The following SCYL3 variants were observed in gnomAD, a reference collection of about 807,000 sequenced individuals.
SCYL3 encodes protein-associating with the carboxyl-terminal domain of ezrin.
Under a neutral mutation model 73.8 loss-of-function variants are expected in SCYL3, and 35 were observed. The observed-to-expected ratio is 0.47, with a 90% confidence interval of 0.36 to 0.63. The LOEUF is 0.63. Among genes scored for constraint, SCYL3 ranks in the 20% least tolerant of loss-of-function variants. The pLI is 0.00. For missense variants in SCYL3, 712 were observed against 798.9 expected, an observed-to-expected ratio of 0.89 and a Z score of 1.31; for synonymous variants, 277 against 295.2, an observed-to-expected ratio of 0.94 and a Z score of 0.63.
intron 2 of SCYL3, among the ~76,000 whole-genome samples, chr1:169,883,569 C>T (rs1377331970): frequency 2.0e-5 from 3 of 152,142 alleles, no homozygotes; most frequent in Non-Finnish European, 4.4e-5. Context: ...GAATACTGAA[C>T]ACCTTCTTGG....
intron 5 of SCYL3, among the ~76,000 whole-genome samples, chr1:169,872,291 G>A (rs1418597728): frequency 1.3e-5 from 2 of 152,244 alleles, no homozygotes; most frequent in Admixed American, 6.5e-5. Flanking sequence ...GCTTCAGAGG[G>A]TGCAAGCCCC....
In SCYL3 at chr1:169,851,886, G is replaced by C. The variant is rs763988076; in HGVS notation, c.*1827C>G. The C allele has an allele frequency of 8.7e-6, 14 of 1,614,024 alleles. No homozygotes were observed. The South Asian group carries it at 1.5e-4, about 18-fold the overall frequency. The stretch of plus-strand genomic sequence containing the variant: ...GAAACAGGAAAAAGGTATTTTCTGG[G>C]AACCCTTTGCTAATGTGACTGTAGA... On this transcript the variant is annotated 3_prime_UTR_variant, in exon 13 of 13. Transcript: ENST00000367771.
Position 169,849,831 on chromosome 1 carries a change from A to G in SCYL3, c.*3882T>C. On this transcript the variant is annotated 3_prime_UTR_variant, in exon 13 of 13. Coordinates refer to ENST00000367771, the MANE Select transcript of SCYL3 (RefSeq NM_020423.7). ...AATAAACAAGGACCAGAACAGGCAT[A>G]CACAGCAGGCCTACTGATACAGACA... 1 of 539,782 alleles carries G rather than the reference A, an allele frequency of 1.9e-6. No homozygotes were observed. Among genetic ancestry groups the G allele is most frequent in the Non-Finnish European group, 3.3e-6 (1 of 301,288 alleles). The allele number at this position is 539,782 out of a possible 1,614,324, so 33.4% of individuals were successfully genotyped here.
At chr1:169,877,427 G>C (rs1660927549) in intron 3 of SCYL3, among the ~76,000 whole-genome samples, 1 of 152,134 alleles carries the variant, frequency 6.6e-6, no homozygotes, top group Non-Finnish European at 1.5e-5. Flanking sequence ...CAAAGTGCTG[G>C]GATTACAGGT....
chr1:169,875,035 A>G (rs1213876673), intron 4 of SCYL3, among the ~76,000 whole-genome samples: 1 of 152,240 alleles, frequency 6.6e-6, no homozygotes, highest in Non-Finnish European at 1.5e-5. Context: ...TAAACAGCAC[A>G]GAAAGGATTA....
rs201238492 is a variant in SCYL3, at chr1:169,853,710, T to C, written c.*3A>G. 1.1e-3 allele frequency: 1,701 copies of C among 1,613,498 alleles called. 3 individuals carry two copies. The highest frequency in any genetic ancestry group is 1.3e-3 in the Non-Finnish European group (1,513 of 1,179,758). ...TTTCCTAAAGTTTAACTCACATCTA[T>C]TGTCACCAGTTATTATCTTCCCAGT... On this transcript the variant is annotated 3_prime_UTR_variant, in exon 13 of 13. Transcript: ENST00000367771.
intron 8 of SCYL3, 125 bp from the exon 9 acceptor site, chr1:169,864,633 GAGA>G: frequency 9.7e-7 from 1 of 1,026,894 alleles, no homozygotes; most frequent in Non-Finnish European, 1.4e-6. Flanking sequence ...AATGGAGATA[GAGA>G]AGGTGAACAG....
chr1:169,863,899 C>T (rs945047849), intron 9 of SCYL3, among the ~76,000 whole-genome samples: 1 of 152,038 alleles, frequency 6.6e-6, no homozygotes, highest in African/African-American at 2.4e-5. Context: ...TTGTTACCAT[C>T]TCTAGTGCTA....
intron 11 of SCYL3, among the ~76,000 whole-genome samples, chr1:169,858,478 T>TA (rs1558118769): frequency 2.0e-5 from 3 of 152,334 alleles, no homozygotes; most frequent in African/African-American, 7.2e-5. Context: ...GTTTCACAGT[T>TA]AAAGTTTTTT....
At chr1:169,878,862 A>G (rs780088821) in intron 2 of SCYL3, 43 bp from the exon 3 acceptor site, 1 of 1,531,010 alleles carries the variant, frequency 6.5e-7, no homozygotes, top group Non-Finnish European at 8.9e-7. Flanking sequence ...ATGACCCCAA[A>G]CCAGATTATA....
rs370575837 is a variant in SCYL3, at chr1:169,852,906, T to C, written c.*807A>G. ...AGTCACTACTCCAAAAGGGTCCTGC[T>C]CCAGCCTGGCTTTCAATGGAAATGG... On this transcript the variant is annotated 3_prime_UTR_variant, in exon 13 of 13. Coordinates refer to ENST00000367771, the MANE Select transcript of SCYL3 (RefSeq NM_020423.7). 1.9e-6 allele frequency: 3 copies of C among 1,614,118 alleles called. No homozygotes were observed. The highest frequency in any genetic ancestry group is 1.1e-5 in the South Asian group (1 of 91,084).
intron 1 of SCYL3, among the ~76,000 whole-genome samples, chr1:169,891,009 T>G (rs1446722743): frequency 1.3e-5 from 2 of 152,206 alleles, no homozygotes; most frequent in Non-Finnish European, 2.9e-5. Flanking sequence ...ACAGTTAATG[T>G]TGGCAGGTAC....
At chr1:169,881,003 C>T (rs1254723070) in intron 2 of SCYL3, among the ~76,000 whole-genome samples, 2 of 152,172 alleles carry the variant, frequency 1.3e-5, no homozygotes, top group Non-Finnish European at 2.9e-5. Flanking sequence ...CTCGGGCAAT[C>T]CGCCCACCTC....
chr1:169,858,818 G>A (rs1228195408), intron 11 of SCYL3, among the ~76,000 whole-genome samples: 1 of 151,524 alleles, frequency 6.6e-6, no homozygotes, highest in African/African-American at 2.4e-5. Flanking sequence ...GACTCTCTAT[G>A]CACGTGTAAA....
chr1:169,864,603 T>G, intron 8 of SCYL3, 95 bp from the exon 9 acceptor site: 5 of 1,217,342 alleles, frequency 4.1e-6, no homozygotes, highest in Non-Finnish European at 5.7e-6. Flanking sequence ...CTCTCACTTC[T>G]ATCAAAGTGA....
At chr1:169,883,867 C>T (rs1017897563) in intron 2 of SCYL3, among the ~76,000 whole-genome samples, 10 of 151,772 alleles carry the variant, frequency 6.6e-5, no homozygotes, top group African/African-American at 1.9e-4. Context: ...TACAGGCGCC[C>T]GCTACCACAC....
At position 169,873,650 on chromosome 1, in the gene SCYL3, A is replaced by C; in HGVS notation, c.522+46T>G. ...GAAAGTTTTTTAAAATTTCATACTC[A>C]ATTACACAAAGGCACCTTCATTATA... On this transcript the variant is annotated intron_variant, in intron 5 of 12. Transcript: ENST00000367771. 2.2e-6 allele frequency: 3 copies of C among 1,339,390 alleles called. No homozygotes were observed. The East Asian group carries it at 7.0e-5, about 31-fold the overall frequency. 83.0% of individuals were successfully genotyped at this position (1,339,390 alleles called of 1,614,324 possible). A position where few individuals can be genotyped will look rare whatever the true frequency, so the allele number is the denominator to read the frequency against.
chr1:169,871,646 G>T (rs1660411502), intron 5 of SCYL3, among the ~76,000 whole-genome samples: 1 of 152,174 alleles, frequency 6.6e-6, no homozygotes, highest in African/African-American at 2.4e-5. Context: ...AGGAAAATGT[G>T]GGAAAGTTTG....
chr1:169,892,542 T>A (rs1662156891), intron 1 of SCYL3, among the ~76,000 whole-genome samples: 1 of 152,242 alleles, frequency 6.6e-6, no homozygotes, highest in African/African-American at 2.4e-5. Context: ...ATCTTGCTCA[T>A]TAGCTTTGAA....
Sources: gnomAD v4.1 joint callset for allele counts (sites outside exome capture counted in the v4.1 genomes callset) on GRCh38, gnomAD v4.1.1 for gene constraint, MANE v1.5 for transcripts, NCBI Gene and HGNC (gene_info 2026-07-23, HGNC 2026-07-21) for gene names.